GALNT18: variants seen among roughly 807,000 people sequenced by gnomAD.
The protein encoded by GALNT18 is polypeptide N-acetylgalactosaminyltransferase 18.
A neutral mutation model predicts 69.5 loss-of-function variants in GALNT18; 44 were observed. The ratio of observed to expected loss-of-function variants is 0.63; its 90% confidence interval spans 0.50 to 0.81. The LOEUF is 0.81. Among genes scored for constraint, GALNT18 ranks in the 40% least tolerant of loss-of-function variants. GALNT18 has a pLI of 0.00. For missense variants in GALNT18, 715 were observed against 810.0 expected, an observed-to-expected ratio of 0.88 and a Z score of 1.42; for synonymous variants, 364 against 318.2, an observed-to-expected ratio of 1.14 and a Z score of -1.53.
At chr11:11,482,961 T>C (rs1487991710) in intron 1 of GALNT18, among the ~76,000 whole-genome samples, 1 of 152,178 alleles carries the variant, frequency 6.6e-6, no homozygotes, top group African/African-American at 2.4e-5. Context: ...ACCTACCTCA[T>C]CATAATCTGC....
chr11:11,293,884 G>A (rs542875933), intron 9 of GALNT18, among the ~76,000 whole-genome samples: 13 of 149,058 alleles, frequency 8.7e-5, no homozygotes, highest in African/African-American at 2.2e-4. Flanking sequence ...CCTGGATTGC[G>A]CCTTCAGGGA....
chr11:11,296,838 C>T (rs545780598), intron 9 of GALNT18, among the ~76,000 whole-genome samples: 23 of 152,252 alleles, frequency 1.5e-4, no homozygotes, highest in Admixed American at 7.2e-4. Context: ...GAGGGAGGTT[C>T]GGCAAAGAGG....
chr11:11,298,268 A>C (rs4910301), intron 9 of GALNT18, among the ~76,000 whole-genome samples: 19,483 of 152,276 alleles, frequency 0.13, 1,657 homozygotes, highest in Admixed American at 0.21. Context: ...AAGAGAAGAA[A>C]ACACACATAG....
intron 5 of GALNT18, among the ~76,000 whole-genome samples, chr11:11,373,016 C>A (rs2133677784): frequency 6.6e-6 from 1 of 152,282 alleles, no homozygotes; most frequent in East Asian, 1.9e-4. Flanking sequence ...CCTTCCCCAA[C>A]TTGGAATCTG....
rs144034068 is a variant in GALNT18, at chr11:11,327,113, C to G, written c.1485G>C (p.Met495Ile). 3.0e-3 allele frequency: 4,847 copies of G among 1,613,784 alleles called. 8 individuals are homozygous for G. The highest frequency in any genetic ancestry group is 3.5e-3 in the Non-Finnish European group (4,182 of 1,179,676). ...QGPDTENVPI[M>I]YICHGMTPQN... ...GAGGCGTCATCCCATGGCAGATGTA[C>G]ATGATGGGGACATTCTCTGTATCTG... is the stretch of plus-strand genomic sequence containing the variant. Residue 495 changes from methionine to isoleucine, a missense_variant, in exon 9 of 11, where the codon ATG becomes ATC. By Grantham distance (10) the Met-to-Ile change is conservative (BLOSUM62 1). Transcript: ENST00000227756.
chr11:11,328,151 G>A lies in GALNT18; in HGVS notation c.1417-970C>T, dbSNP rs139253689. 3.7e-3 allele frequency among the ~76,000 whole-genome samples: 566 copies of A among 152,302 alleles called. 2 individuals carry two copies. The highest frequency in any genetic ancestry group is 0.023 in the South Asian group (112 of 4,830). ...GATCAAGGATATGATGATGCACGAG[G>A]CAGACAGAATGAGAGACAAAAGAGA... On this transcript the variant is annotated intron_variant, in intron 8 of 10. Coordinates refer to ENST00000227756, the MANE Select transcript of GALNT18 (RefSeq NM_198516.3).
intron 10 of GALNT18, among the ~76,000 whole-genome samples, chr11:11,272,846 C>A (rs1335485123): frequency 6.6e-6 from 1 of 152,142 alleles, no homozygotes; most frequent in East Asian, 1.9e-4. Context: ...GGAGAGGTGG[C>A]AAACTTCTTG....
Position 11,274,058 on chromosome 11 carries a change from G to A in GALNT18, c.1678-2768C>T, listed in dbSNP as rs374094794. Among the ~76,000 whole-genome samples the A allele has an allele frequency of 3.0e-4, 45 of 152,200 alleles. No homozygotes were observed. In the East Asian group the frequency reaches 6.8e-3, roughly 23 times the overall value. Reference sequence around the variant, plus strand: ...ACAAGCTGAAGCAGGGTGGGTTATCGCCTCACCTGGGAAGTGCAAGGGGTT... The same window carrying A: ...ACAAGCTGAAGCAGGGTGGGTTATCACCTCACCTGGGAAGTGCAAGGGGTT... On this transcript the variant is annotated intron_variant, in intron 10 of 10. Transcript: ENST00000227756.
intron 6 of GALNT18, among the ~76,000 whole-genome samples, chr11:11,343,009 G>A (rs1850237732): frequency 2.0e-5 from 3 of 152,230 alleles, no homozygotes; most frequent in African/African-American, 7.2e-5. Flanking sequence ...ACCCTGTGAG[G>A]CAGTTATTAT....
At chr11:11,475,618 A>AACAATGC (rs1422832950) in intron 1 of GALNT18, 1 of 152,240 alleles carries the variant, frequency 6.6e-6, no homozygotes, top group African/African-American at 2.4e-5. Flanking sequence ...ATGCTCACTT[A>AACAATGC]ACAATGCTAA....
At chr11:11,551,812 T>G (rs527919389) in intron 1 of GALNT18, among the ~76,000 whole-genome samples, 240 of 152,266 alleles carry the variant, frequency 1.6e-3, no homozygotes, top group Non-Finnish European at 3.0e-3. Flanking sequence ...TGGATTATCA[T>G]TAGTTCTTAT....
chr11:11,604,564 T>A lies in GALNT18; in HGVS notation c.235+16795A>T. Reference sequence around the variant, plus strand: ...ACTCCAGACCCCGCCTGGCACCAAGTCTGCATGGCGGAGAGAAGGGTGATG... The same window carrying A: ...ACTCCAGACCCCGCCTGGCACCAAGACTGCATGGCGGAGAGAAGGGTGATG... On this transcript the variant is annotated intron_variant, in intron 1 of 10. Transcript: ENST00000227756. This position sits in a 1 kb window ranked among gnomAD's most constrained non-coding sequence, Gnocchi z 5.6. 6.6e-6 allele frequency among the ~76,000 whole-genome samples: 1 copy of A among 152,286 alleles called. No homozygotes were observed. Among genetic ancestry groups the A allele is most frequent in the East Asian group, 1.9e-4 (1 of 5,180 alleles).
Position 11,340,318 on chromosome 11 carries a change from G to C in GALNT18, c.1278+501C>G, listed in dbSNP as rs988613938. 1.6e-5 allele frequency among the ~76,000 whole-genome samples: 1 copy of C among 63,990 alleles called. No homozygotes were observed. Among genetic ancestry groups the C allele is most frequent in the Non-Finnish European group, 2.9e-5 (1 of 35,070 alleles). 42.0% of individuals were successfully genotyped at this position (63,990 alleles called of 152,430 possible). A position where few individuals can be genotyped will look rare whatever the true frequency, so the allele number is the denominator to read the frequency against. ...CATCTCCTAGTGAAGGTCCCTGTAG[G>C]TGTGCCCCCATCCCCATACACGTGG... On this transcript the variant is annotated intron_variant, in intron 7 of 10. Coordinates refer to ENST00000227756, the MANE Select transcript of GALNT18 (RefSeq NM_198516.3). This position sits in a 1 kb window ranked among gnomAD's most constrained non-coding sequence, Gnocchi z 4.2.
At position 11,617,674 on chromosome 11, in the gene GALNT18, T is replaced by C. The variant is rs965580933; in HGVS notation, c.235+3685A>G. Among the ~76,000 whole-genome samples, 7 of 152,224 alleles carry C rather than the reference T, an allele frequency of 4.6e-5. No homozygotes were observed. The highest frequency in any genetic ancestry group is 1.7e-4 in the African/African-American group (7 of 41,458). ...GCATTTTTAAATATTTTCTTAAACA[T>C]TGGCACATTCTTTTCCATATTCAGA... On this transcript the variant is annotated intron_variant, in intron 1 of 10. Coordinates refer to ENST00000227756, the MANE Select transcript of GALNT18 (RefSeq NM_198516.3). The surrounding 1 kb of genome is among the most constrained non-coding windows in gnomAD (Gnocchi z 4.7).
At position 11,563,046 on chromosome 11, in the gene GALNT18, G is replaced by A. The variant is rs1014032037; in HGVS notation, c.235+58313C>T. Among the ~76,000 whole-genome samples, 1 of 152,220 alleles carries A rather than the reference G, an allele frequency of 6.6e-6. No homozygotes were observed. The highest frequency in any genetic ancestry group is 6.5e-5 in the Admixed American group (1 of 15,298). On this transcript the variant is annotated intron_variant, in intron 1 of 10. Coordinates refer to ENST00000227756, the MANE Select transcript of GALNT18 (RefSeq NM_198516.3). The surrounding 1 kb of genome is among the most constrained non-coding windows in gnomAD (Gnocchi z 4.6). ...TTGGTCCTGACGTTTTGTGCTTCAT[G>A]GCTTCCCTATATACTTCCACCCCCA...
intron 10 of GALNT18, among the ~76,000 whole-genome samples, chr11:11,290,890 A>G (rs1177053349): frequency 6.6e-6 from 1 of 152,162 alleles, no homozygotes; most frequent in African/African-American, 2.4e-5. Context: ...TCGCCCCAGC[A>G]AAGTCAGCCC....
Position 11,377,554 on chromosome 11 carries a change from C to T in GALNT18, c.780-175G>A, listed in dbSNP as rs112668303. 2.2e-4 allele frequency among the ~76,000 whole-genome samples: 33 copies of T among 152,244 alleles called. No homozygotes were observed. The highest frequency in any genetic ancestry group is 7.5e-4 in the African/African-American group (31 of 41,550). ...GAGCTCCTATTCAACTTCCCGCTCCCTGAGGATTGCCGGAATGGCAAGAGG... is the reference window on the plus strand; with the variant it reads ...GAGCTCCTATTCAACTTCCCGCTCCTTGAGGATTGCCGGAATGGCAAGAGG... On this transcript the variant is annotated intron_variant, in intron 4 of 10. Coordinates refer to ENST00000227756, the MANE Select transcript of GALNT18 (RefSeq NM_198516.3). This position sits in a 1 kb window ranked among gnomAD's most constrained non-coding sequence, Gnocchi z 4.6.
chr11:11,392,974 G>A (rs933656265), intron 3 of GALNT18, among the ~76,000 whole-genome samples: 2 of 152,140 alleles, frequency 1.3e-5, no homozygotes, highest in Non-Finnish European at 2.9e-5. Flanking sequence ...GGTCCATGCC[G>A]ACCTTTCTTA....
At chr11:11,479,823 A>G (rs541777699) in intron 1 of GALNT18, among the ~76,000 whole-genome samples, 1 of 152,226 alleles carries the variant, frequency 6.6e-6, no homozygotes, top group East Asian at 1.9e-4. Flanking sequence ...CTGCAAATTC[A>G]TCTTCTGGAA....
Sources: allele counts gnomAD v4.1 joint callset (sites outside exome capture counted in the v4.1 genomes callset), GRCh38; gene constraint gnomAD v4.1.1; non-coding constraint Gnocchi (gnomAD v3.1); transcripts MANE v1.5; gene names NCBI Gene and HGNC (gene_info 2026-07-23, HGNC 2026-07-21).